Variants in LNP1 observed in about 807,000 individuals in gnomAD.
LNP1 encodes leukemia NUP98 fusion partner 1.
Under a neutral mutation model 14.5 loss-of-function variants are expected in LNP1, and 12 were observed. That is an observed-to-expected ratio of 0.83 (90% CI 0.53 to 1.34). The LOEUF (loss-of-function observed/expected upper bound fraction) is 1.34. Among genes scored for constraint, LNP1 ranks in the 40% most tolerant of loss-of-function variants. The pLI is 0.00. For synonymous variants in LNP1, 75 were observed against 71.4 expected, an observed-to-expected ratio of 1.05 and a Z score of -0.26; for missense variants, 198 against 210.9, an observed-to-expected ratio of 0.94 and a Z score of 0.38.
At chr3:100,452,727 G>A (rs1039572172) in intron 3 of LNP1, among the ~76,000 whole-genome samples, 3 of 152,162 alleles carry the variant, frequency 2.0e-5, no homozygotes, top group Non-Finnish European at 4.4e-5. Flanking sequence ...ATAGGAGTGG[G>A]CTAGGTGCTC....
intron 1 of LNP1, among the ~76,000 whole-genome samples, chr3:100,411,352 T>C (rs1293521695): frequency 6.6e-6 from 1 of 152,228 alleles, no homozygotes; most frequent in Non-Finnish European, 1.5e-5. Flanking sequence ...CTGATTTAGA[T>C]GATATTTAAT....
At chr3:100,413,077 G>A (rs115192887) in intron 1 of LNP1, among the ~76,000 whole-genome samples, 2,606 of 152,276 alleles carry the variant, frequency 0.017, 37 homozygotes, top group African/African-American at 0.043. Flanking sequence ...TGCAGCTGCC[G>A]CCACCAGAAA....
At position 100,431,990 on chromosome 3, in the gene LNP1, GTTTATATATATATATATA is replaced by G. The variant is rs1227656141; in HGVS notation, c.156+2107_156+2124del. Among the ~76,000 whole-genome samples the G allele has an allele frequency of 2.1e-4, 20 of 94,946 alleles. 2 individuals carry two copies. Among genetic ancestry groups the G allele is most frequent in the African/African-American group, 9.3e-4 (19 of 20,360 alleles). 62.3% of individuals were successfully genotyped at this position (94,946 alleles called of 152,430 possible). On this transcript the variant is annotated intron_variant, in intron 2 of 3. Coordinates refer to ENST00000383693, the MANE Select transcript of LNP1 (RefSeq NM_001085451.2). Reference sequence around the variant, plus strand: ...AACCTGGGTAACAGAATGAGACCTTGTTTATATATATATATATATATATATATATATATATATATATAT... The same window carrying G: ...AACCTGGGTAACAGAATGAGACCTTGTATATATATATATATATATATATAT...
At chr3:100,428,403 G>A (rs1445579478) in intron 1 of LNP1, among the ~76,000 whole-genome samples, 2 of 151,792 alleles carry the variant, frequency 1.3e-5, no homozygotes, top group Non-Finnish European at 2.9e-5. Context: ...TTGGTGGTGG[G>A]TGCCCGTAAT....
intron 2 of LNP1, among the ~76,000 whole-genome samples, chr3:100,440,945 A>G (rs1384796355): frequency 6.6e-6 from 1 of 152,192 alleles, no homozygotes; most frequent in African/African-American, 2.4e-5. Context: ...TAGCCATTAG[A>G]AAGATGAGGG....
intron 2 of LNP1, among the ~76,000 whole-genome samples, chr3:100,433,187 G>A (rs941931517): frequency 6.6e-6 from 1 of 152,044 alleles, no homozygotes; most frequent in Admixed American, 6.6e-5. Flanking sequence ...GCATGCATTA[G>A]GTATTTGTCC....
intron 1 of LNP1, among the ~76,000 whole-genome samples, chr3:100,425,375 C>A (rs1413427654): frequency 1.3e-5 from 2 of 152,124 alleles, no homozygotes; most frequent in African/African-American, 4.8e-5. Context: ...TGGAGGTGTT[C>A]TTGGAAACTA....
At chr3:100,443,000 T>C (rs1707358689) in intron 2 of LNP1, among the ~76,000 whole-genome samples, 1 of 152,066 alleles carries the variant, frequency 6.6e-6, no homozygotes, top group Non-Finnish European at 1.5e-5. Flanking sequence ...TTCTGGAAAA[T>C]CAATATTGGT....
chr3:100,428,658 G>A (rs542029069), intron 1 of LNP1, among the ~76,000 whole-genome samples: 2 of 151,896 alleles, frequency 1.3e-5, no homozygotes, highest in Non-Finnish European at 2.9e-5. Context: ...CTAAAAGACA[G>A]GGACTATAAA....
At chr3:100,430,532 C>T (rs111788594) in intron 2 of LNP1, among the ~76,000 whole-genome samples, 3 of 152,166 alleles carry the variant, frequency 2.0e-5, no homozygotes, top group Non-Finnish European at 2.9e-5. Flanking sequence ...CATGTACAGG[C>T]GGCTATTCTC....
At chr3:100,428,118 A>G (rs898506191) in intron 1 of LNP1, among the ~76,000 whole-genome samples, 7 of 152,214 alleles carry the variant, frequency 4.6e-5, no homozygotes, top group Non-Finnish European at 7.3e-5. Context: ...CCCCGCTTCA[A>G]ACTTGATTTT....
intron 2 of LNP1, among the ~76,000 whole-genome samples, chr3:100,431,316 G>A (rs780314386): frequency 3.3e-5 from 5 of 152,126 alleles, no homozygotes; most frequent in Non-Finnish European, 7.4e-5. Flanking sequence ...TTACAATGGT[G>A]TTTGCCTTAA....
chr3:100,407,504 G>C (rs188079516), intron 1 of LNP1, among the ~76,000 whole-genome samples: 2 of 152,066 alleles, frequency 1.3e-5, no homozygotes, highest in Non-Finnish European at 2.9e-5. Flanking sequence ...TTTTTGTCTT[G>C]CTGCTTTTAG....
intron 1 of LNP1, among the ~76,000 whole-genome samples, chr3:100,411,995 A>G (rs1222124273): frequency 6.6e-6 from 1 of 152,230 alleles, no homozygotes; most frequent in African/African-American, 2.4e-5. Context: ...AAAAAGTGAC[A>G]TTCAAGATTG....
intron 3 of LNP1, among the ~76,000 whole-genome samples, chr3:100,453,561 C>G (rs1424595325): frequency 6.6e-6 from 1 of 150,576 alleles, no homozygotes; most frequent in African/African-American, 2.5e-5. Flanking sequence ...TGTACTCCAG[C>G]CTGGGCAACA....
chr3:100,451,795 G>T lies in LNP1; in HGVS notation c.233G>T (p.Cys78Phe). The T allele has an allele frequency of 6.2e-7, 1 of 1,613,898 alleles. No homozygotes were observed. The highest frequency in any genetic ancestry group is 8.5e-7 in the Non-Finnish European group (1 of 1,179,732). Residue 78 changes from cysteine (C) to phenylalanine (F), a missense_variant, in exon 3 of 4, where the codon TGC becomes TTC. Cys to Phe is a radical substitution (Grantham distance 205). Transcript: ENST00000383693. ...RHSHEDQEFRCRSHVRDYRKY... is the reference protein window; with the variant it reads ...RHSHEDQEFRFRSHVRDYRKY... The stretch of plus-strand genomic sequence containing the variant: ...TCTCATGAGGACCAAGAATTTCGAT[G>T]CCGTAGCCACGTACGGGATTACAGA...
intron 2 of LNP1, among the ~76,000 whole-genome samples, chr3:100,445,424 T>C (rs892255642): frequency 6.6e-6 from 1 of 152,170 alleles, no homozygotes; most frequent in Non-Finnish European, 1.5e-5. Context: ...TTTATTTTGA[T>C]TGGCATTTTC....
chr3:100,450,793 A>C (rs1256974900), intron 2 of LNP1, among the ~76,000 whole-genome samples: 1 of 152,192 alleles, frequency 6.6e-6, no homozygotes, highest in Non-Finnish European at 1.5e-5. Flanking sequence ...GTTGGAAGTG[A>C]GCTCAAACTC....
At chr3:100,425,078 C>T (rs765641433) in intron 1 of LNP1, among the ~76,000 whole-genome samples, 1 of 152,178 alleles carries the variant, frequency 6.6e-6, no homozygotes, top group Admixed American at 6.5e-5. Context: ...ACCTGCATGC[C>T]TTCTTGGGCT....
Sources: gnomAD v4.1 joint callset for allele counts (sites outside exome capture counted in the v4.1 genomes callset) on GRCh38, gnomAD v4.1.1 for gene constraint, MANE v1.5 for transcripts, NCBI Gene and HGNC (gene_info 2026-07-23, HGNC 2026-07-21) for gene names.